Variants in ATG7 observed in about 807,000 individuals in gnomAD.
ATG7 encodes autophagy related 7.
A neutral mutation model predicts 82.4 loss-of-function variants in ATG7; 70 were observed. That is an observed-to-expected ratio of 0.85 (90% CI 0.70 to 1.04). The LOEUF (loss-of-function observed/expected upper bound fraction) is 1.04, where lower values mean the gene tolerates loss of function less well. ATG7 is among the 50% of genes least tolerant of loss of function. The pLI is 0.00. For missense variants in ATG7, 792 were observed against 864.3 expected, an observed-to-expected ratio of 0.92 and a Z score of 1.05; for synonymous variants, 287 against 313.0, an observed-to-expected ratio of 0.92 and a Z score of 0.88.
chr3:11,366,823 T>C (rs1310389925), intron 18 of ATG7, among the ~76,000 whole-genome samples: 1 of 152,162 alleles, frequency 6.6e-6, no homozygotes, highest in Non-Finnish European at 1.5e-5. Context: ...TTTATCCCCA[T>C]TGAGCCTCAG....
intron 12 of ATG7, 42 bp from the exon 13 acceptor site, chr3:11,342,093 G>T (rs201011541): frequency 6.4e-7 from 1 of 1,568,316 alleles, no homozygotes; most frequent in African/African-American, 1.4e-5. Flanking sequence ...CAAGATTATT[G>T]CATAAAGGAG....
chr3:11,287,620 C>T lies in ATG7; in HGVS notation c.-11+5182C>T, dbSNP rs181582769. Among the ~76,000 whole-genome samples the T allele has an allele frequency of 2.2e-3, 332 of 152,312 alleles. 5 individuals are homozygous for T. The highest frequency in any genetic ancestry group is 1.2e-3 in the Non-Finnish European group (81 of 68,032). ...TGCTGCTGATGCAGTCTTTCCGGAA[C>T]GTTATGAGCCTTAATAAATATCAAA... On this transcript the variant is annotated intron_variant, in intron 3 of 20. Transcript: ENST00000693202.
intron 19 of ATG7, among the ~76,000 whole-genome samples, chr3:11,388,930 T>A (rs934465590): frequency 2.0e-5 from 3 of 152,028 alleles, no homozygotes; most frequent in Non-Finnish European, 4.4e-5. Context: ...ACAATGTATA[T>A]ATCACTACTT....
At chr3:11,378,684 CCAAAAAAA>C (rs2077631573) in intron 18 of ATG7, among the ~76,000 whole-genome samples, 2 of 23,002 alleles carry the variant, frequency 8.7e-5, no homozygotes, top group African/African-American at 1.2e-4. Flanking sequence ...GACTCCATCT[CCAAAAAAA>C]AAAAAAAAAA....
intron 20 of ATG7, among the ~76,000 whole-genome samples, chr3:11,548,963 C>G (rs1380474439): frequency 2.0e-5 from 3 of 152,218 alleles, no homozygotes; most frequent in African/African-American, 7.2e-5. Flanking sequence ...TTGGACTGCT[C>G]TGTGTGTCAC....
chr3:11,462,619 T>C (rs2086425130), intron 20 of ATG7, among the ~76,000 whole-genome samples: 1 of 152,136 alleles, frequency 6.6e-6, no homozygotes, highest in African/African-American at 2.4e-5. Context: ...ATTTTGCCTC[T>C]TCGGGTGTTG....
intron 11 of ATG7, among the ~76,000 whole-genome samples, chr3:11,333,614 A>G (rs1951950925): frequency 6.6e-6 from 1 of 151,912 alleles, no homozygotes; most frequent in South Asian, 2.1e-4. Context: ...GAGACATTTT[A>G]TCTATAGAGA....
intron 20 of ATG7, among the ~76,000 whole-genome samples, chr3:11,442,651 T>A (rs1180611303): frequency 7.0e-6 from 1 of 143,532 alleles, no homozygotes; most frequent in African/African-American, 2.6e-5. Context: ...GCCTGTAATC[T>A]CAGCACTTTG....
chr3:11,510,154 C>T (rs1045781183), intron 20 of ATG7: 1 of 452,346 alleles, frequency 2.2e-6, no homozygotes. Context: ...CACAGAGTTG[C>T]CTGAAATCAT....
At position 11,358,795 on chromosome 3, in the gene ATG7, T is replaced by C. The variant is rs2076100019; in HGVS notation, c.1479+183T>C. Among the ~76,000 whole-genome samples, 6 of 152,350 alleles carry C rather than the reference T, an allele frequency of 3.9e-5. No individual in the cohort carries two copies. The South Asian group carries it at 1.2e-3, about 32-fold the overall frequency. On this transcript the variant is annotated intron_variant, in intron 15 of 20. Coordinates refer to ENST00000693202, the MANE Select transcript of ATG7 (RefSeq NM_001349232.2). Reference sequence around the variant, plus strand: ...GCACACCATCACCCAATGTAATAAGTACCATTTACTGCTTAATTTTCATAA... The same window carrying C: ...GCACACCATCACCCAATGTAATAAGCACCATTTACTGCTTAATTTTCATAA...
intron 20 of ATG7, among the ~76,000 whole-genome samples, chr3:11,476,621 T>C (rs1340544389): frequency 6.6e-6 from 1 of 152,190 alleles, no homozygotes; most frequent in Non-Finnish European, 1.5e-5. Flanking sequence ...GAATGGTAAC[T>C]CACTTTATTC....
chr3:11,493,410 C>T (rs867413785), intron 20 of ATG7, among the ~76,000 whole-genome samples: 12 of 152,280 alleles, frequency 7.9e-5, no homozygotes, highest in African/African-American at 2.4e-4. Context: ...TTGCAAAAGG[C>T]AACATTCAAT....
chr3:11,452,404 AAAAAG>A (rs1334723130), intron 20 of ATG7, among the ~76,000 whole-genome samples: 1 of 151,332 alleles, frequency 6.6e-6, no homozygotes, highest in African/African-American at 2.4e-5. Context: ...AAAAAAAAAA[AAAAAG>A]GAAATGTTCT....
At chr3:11,394,760 A>G in intron 19 of ATG7, among the ~76,000 whole-genome samples, 1 of 152,246 alleles carries the variant, frequency 6.6e-6, no homozygotes, top group Middle Eastern at 3.2e-3. Context: ...CATTAAGATA[A>G]TTCTATTTAG....
chr3:11,412,308 A>G (rs2152918711), intron 19 of ATG7, among the ~76,000 whole-genome samples: 1 of 150,818 alleles, frequency 6.6e-6, no homozygotes, highest in South Asian at 2.1e-4. Context: ...TCCTGAGGGA[A>G]GGAACTCAGA....
chr3:11,495,175 C>T (rs1192580868), intron 20 of ATG7, among the ~76,000 whole-genome samples: 1 of 152,158 alleles, frequency 6.6e-6, no homozygotes, highest in Non-Finnish European at 1.5e-5. Flanking sequence ...GCAGACAGGG[C>T]AGGCTCAGTT....
intron 20 of ATG7, among the ~76,000 whole-genome samples, chr3:11,429,764 A>G (rs2082696754): frequency 6.6e-6 from 1 of 152,114 alleles, no homozygotes; most frequent in Middle Eastern, 3.2e-3. Flanking sequence ...CCTGGGCAAC[A>G]CGGCGAAACC....
intron 20 of ATG7, among the ~76,000 whole-genome samples, chr3:11,535,215 T>C (rs7631716): frequency 0.24 from 36,230 of 152,190 alleles, 4,722 homozygotes; most frequent in African/African-American, 0.32. Flanking sequence ...GCCCAGCCCT[T>C]TGCCCCCTCT....
chr3:11,480,612 T>C (rs533520471), intron 20 of ATG7, among the ~76,000 whole-genome samples: 1 of 152,298 alleles, frequency 6.6e-6, no homozygotes, highest in South Asian at 2.1e-4. Flanking sequence ...CTCACTGGTT[T>C]CCTCGACTTC....
Sources: allele counts gnomAD v4.1 joint callset (sites outside exome capture counted in the v4.1 genomes callset), GRCh38; gene constraint gnomAD v4.1.1; transcripts MANE v1.5; gene names NCBI Gene and HGNC (gene_info 2026-07-23, HGNC 2026-07-21).